Variants in DPH5 observed in about 807,000 individuals in gnomAD.
DPH5 encodes the protein diphthamide biosynthesis 5, also known as diphthine methyl ester synthase.
Under a neutral mutation model 31.6 loss-of-function variants are expected in DPH5, and 31 were observed. That is an observed-to-expected ratio of 0.98 (90% CI 0.74 to 1.32). The LOEUF is 1.32. DPH5 is among the 40% of genes most tolerant of loss of function. DPH5 has a pLI of 0.00. For missense variants in DPH5, 309 were observed against 335.7 expected, an observed-to-expected ratio of 0.92 and a Z score of 0.62; for synonymous variants, 120 against 115.0, an observed-to-expected ratio of 1.04 and a Z score of -0.28.
chr1:101,021,147 A>G (rs915836062), intron 3 of DPH5, among the ~76,000 whole-genome samples: 3 of 152,194 alleles, frequency 2.0e-5, no homozygotes, highest in Admixed American at 2.0e-4. Flanking sequence ...CCCAATGGAT[A>G]TAAGAAACTG....
chr1:101,011,416 G>A (rs1225582409), intron 4 of DPH5, among the ~76,000 whole-genome samples: 1 of 152,186 alleles, frequency 6.6e-6, no homozygotes, highest in East Asian at 1.9e-4. Flanking sequence ...AAGCTGGGGG[G>A]AAAATGGTGT....
chr1:101,014,663 T>C (rs1022787075), intron 3 of DPH5, among the ~76,000 whole-genome samples: 1 of 152,216 alleles, frequency 6.6e-6, no homozygotes, highest in African/African-American at 2.4e-5. Context: ...TGATTGACTT[T>C]TCCTTTCATG....
chr1:100,992,565 T>C, intron 7 of DPH5, 72 bp downstream of exon 7: 1 of 1,059,284 alleles, frequency 9.4e-7, no homozygotes, highest in South Asian at 1.4e-5. Flanking sequence ...TGGTATGAGA[T>C]ATTAAGTCAT....
chr1:101,010,136 C>G (rs1333262274), intron 4 of DPH5, among the ~76,000 whole-genome samples: 1 of 152,176 alleles, frequency 6.6e-6, no homozygotes, highest in Non-Finnish European at 1.5e-5. Flanking sequence ...AGCAAGGACC[C>G]TATTGGTCAA....
In DPH5 at chr1:101,021,713, T is replaced by C. The variant is rs779979154; in HGVS notation, c.188A>G (p.Gln63Arg). 1 of 1,614,004 alleles carries C rather than the reference T, an allele frequency of 6.2e-7. No individual in the cohort carries two copies. Among genetic ancestry groups the C allele is most frequent in the Admixed American group, 1.7e-5 (1 of 60,018 alleles). ...ATCCTTTAAAATATTATCTGCTTCT[T>C]GTTCCACTTCTTCTCTATCAGCAAC... The part of the protein sequence containing the change: ...LVVADREEVE[Q>R]EADNILKDAD... Residue 63 changes from glutamine to arginine, a missense_variant, in exon 3 of 8, where the codon CAA becomes CGA. Physicochemically the swap from Gln to Arg is conservative, Grantham distance 43. Coordinates refer to ENST00000370109, the MANE Select transcript of DPH5 (RefSeq NM_015958.3).
chr1:101,025,092 T>G, intron 2 of DPH5: 1 of 561,670 alleles, frequency 1.8e-6, no homozygotes, highest in Middle Eastern at 4.9e-4. Context: ...AGCCACAAAA[T>G]TAGACTTGTA....
In DPH5 at chr1:101,001,449, A is replaced by G. The variant is rs1272645422; in HGVS notation, c.490+18T>C. 3 of 1,605,300 alleles carry G rather than the reference A, an allele frequency of 1.9e-6. No individual in the cohort carries two copies. Among genetic ancestry groups the G allele is most frequent in the Non-Finnish European group, 2.5e-6 (3 of 1,177,446 alleles). ...ATAGTTCCATATTGTTACTTCAAGGAAATTCCAAAACCCTTACCTAGTAAA... is the reference window on the plus strand; with the variant it reads ...ATAGTTCCATATTGTTACTTCAAGGGAATTCCAAAACCCTTACCTAGTAAA... On this transcript the variant is annotated intron_variant, in intron 5 of 7. Coordinates refer to ENST00000370109, the MANE Select transcript of DPH5 (RefSeq NM_015958.3).
At chr1:101,000,320 G>A (rs1658759465) in intron 5 of DPH5, among the ~76,000 whole-genome samples, 1 of 152,200 alleles carries the variant, frequency 6.6e-6, no homozygotes. Context: ...TTCAAAGTAT[G>A]ATCTCAGGAC....
intron 7 of DPH5, among the ~76,000 whole-genome samples, chr1:100,992,287 T>C (rs945269929): frequency 5.9e-5 from 9 of 152,152 alleles, no homozygotes; most frequent in African/African-American, 2.2e-4. Context: ...AAGTATATTT[T>C]TGCAGGATAG....
intron 3 of DPH5, among the ~76,000 whole-genome samples, chr1:101,020,452 G>A (rs1258284221): frequency 6.6e-6 from 1 of 151,856 alleles, no homozygotes; most frequent in African/African-American, 2.4e-5. Context: ...CCAGGTACAC[G>A]ATGAAATTCC....
At chr1:100,993,559 A>AATATAAATATATATATATATATAT (rs1553247258) in intron 6 of DPH5, among the ~76,000 whole-genome samples, 5 of 56,534 alleles carry the variant, frequency 8.8e-5, no homozygotes, top group African/African-American at 3.1e-4. Flanking sequence ...CGAAAATATA[A>AATATAAATATATATATATATATAT]ATATATATAT....
intron 4 of DPH5, among the ~76,000 whole-genome samples, chr1:101,007,919 C>T (rs1659354774): frequency 6.6e-6 from 1 of 152,010 alleles, no homozygotes; most frequent in Non-Finnish European, 1.5e-5. Flanking sequence ...ATAGGCTTTT[C>T]TTTCATTAGA....
intron 4 of DPH5, among the ~76,000 whole-genome samples, chr1:101,009,260 C>A (rs1558043520): frequency 6.6e-6 from 1 of 152,156 alleles, no homozygotes; most frequent in African/African-American, 2.4e-5. Flanking sequence ...AAGACTGGCA[C>A]AGGGCTCTTA....
At chr1:101,018,125 A>G (rs1357292791) in intron 3 of DPH5, among the ~76,000 whole-genome samples, 1 of 152,224 alleles carries the variant, frequency 6.6e-6, no homozygotes, top group Non-Finnish European at 1.5e-5. Flanking sequence ...CATGCTTGTT[A>G]CTTGAAATTG....
intron 4 of DPH5, among the ~76,000 whole-genome samples, chr1:101,005,458 T>G (rs1424332676): frequency 1.3e-5 from 2 of 152,088 alleles, no homozygotes; most frequent in Non-Finnish European, 1.5e-5. Context: ...CACATACAAT[T>G]TGCATGCCAT....
intron 5 of DPH5, among the ~76,000 whole-genome samples, chr1:100,996,467 T>G (rs1413535313): frequency 6.6e-6 from 1 of 152,226 alleles, no homozygotes; most frequent in African/African-American, 2.4e-5. Context: ...CGCATTACTT[T>G]TCCCTTGTCT....
chr1:101,019,109 A>T (rs1016634586), intron 3 of DPH5, among the ~76,000 whole-genome samples: 4 of 152,220 alleles, frequency 2.6e-5, no homozygotes, highest in Non-Finnish European at 4.4e-5. Flanking sequence ...CAGAACCATC[A>T]TTAGAAACAG....
intron 5 of DPH5, among the ~76,000 whole-genome samples, chr1:101,000,094 C>T (rs547458598): frequency 1.5e-4 from 23 of 151,934 alleles, no homozygotes; most frequent in South Asian, 4.2e-4. Flanking sequence ...TTGCAGTGAG[C>T]CGAGACTGCA....
chr1:100,999,658 GCGAAACC>G (rs1405343192), intron 5 of DPH5, among the ~76,000 whole-genome samples: 1 of 151,944 alleles, frequency 6.6e-6, no homozygotes, highest in Non-Finnish European at 1.5e-5. Context: ...GGCCAATATG[GCGAAACC>G]CCATCTTTAC....
Sources: allele counts gnomAD v4.1 joint callset (sites outside exome capture counted in the v4.1 genomes callset), GRCh38; gene constraint gnomAD v4.1.1; transcripts MANE v1.5; gene names NCBI Gene and HGNC (gene_info 2026-07-23, HGNC 2026-07-21).